DCTN5: variants seen among roughly 807,000 people sequenced by gnomAD.
DCTN5 encodes dynactin subunit 5.
Under a neutral mutation model 23.5 loss-of-function variants are expected in DCTN5, and 14 were observed. The observed-to-expected ratio is 0.60, with a 90% CI of 0.39 to 0.93. The LOEUF (loss-of-function observed/expected upper bound fraction) is 0.93. Ranked by LOEUF, DCTN5 falls within the 40% of genes least tolerant of loss-of-function variation. The pLI, the probability that DCTN5 is intolerant of heterozygous loss-of-function variation, is 0.00. For synonymous variants in DCTN5, 67 were observed against 79.6 expected (o/e 0.84, Z 0.84); for missense variants, 156 against 225.9 (o/e 0.69, Z 1.98).
chr16:23,666,911 C>T lies in DCTN5; in HGVS notation c.452-136C>T, dbSNP rs570516402. 6.9e-5 allele frequency: 97 copies of T among 1,404,024 alleles called. No homozygotes were observed. In the South Asian group the frequency reaches 1.2e-3, roughly 18 times the overall value. 87.0% of individuals were successfully genotyped at this position (1,404,024 alleles called of 1,614,324 possible). ...TTAGCTGTTCTTAGCAAGCACTGGA[C>T]CAGAACAGCCTCAGCGATTATTTAA... On this transcript the variant is annotated intron_variant, in intron 5 of 5. Transcript: ENST00000300087.
rs894175379 is a variant in DCTN5 at position 23,674,972 on chromosome 16, A to T, written c.*7828A>T. The T allele has an allele frequency of 6.6e-6, 1 of 151,794 alleles. No homozygotes were observed. Among genetic ancestry groups the T allele is most frequent in the African/African-American group, 2.4e-5 (1 of 41,286 alleles). 9.4% of individuals were successfully genotyped at this position (151,794 alleles called of 1,614,324 possible). A position where few individuals can be genotyped will look rare whatever the true frequency, so the allele number is the denominator to read the frequency against. On this transcript the variant is annotated 3_prime_UTR_variant, in exon 6 of 6. Coordinates refer to ENST00000300087, the MANE Select transcript of DCTN5 (RefSeq NM_032486.4). ...AATCTTCTCTTTTAATAAGGATACC[A>T]CTCAGGTTGGATTAGGGCCCATCCT... is the stretch of plus-strand genomic sequence containing the variant.
In DCTN5 at chr16:23,673,957, A is replaced by G. The variant is rs954486929; in HGVS notation, c.*6813A>G. On this transcript the variant is annotated 3_prime_UTR_variant, in exon 6 of 6. Transcript: ENST00000300087. ...ATATGCATTTTTTTTGAGTGGGTCA[A>G]TTGGACTCTAAGACCAACAAGATAA... is the stretch of plus-strand genomic sequence containing the variant. 5 of 152,212 alleles carry G rather than the reference A, an allele frequency of 3.3e-5. No individual in the cohort carries two copies. The highest frequency in any genetic ancestry group is 4.8e-5 in the African/African-American group (2 of 41,446). 9.4% of individuals were successfully genotyped at this position (152,212 alleles called of 1,614,324 possible).
intron 2 of DCTN5, among the ~76,000 whole-genome samples, chr16:23,655,811 C>T (rs1466230494): frequency 6.6e-6 from 1 of 152,174 alleles, no homozygotes; most frequent in African/African-American, 2.4e-5. Flanking sequence ...TCCCAAAGTA[C>T]TAGAATTACA....
In DCTN5 at chr16:23,671,769, C is replaced by T. The variant is rs369772213; in HGVS notation, c.*4625C>T. The T allele has an allele frequency of 6.6e-6, 1 of 152,278 alleles. No individual in the cohort carries two copies. Among genetic ancestry groups the T allele is most frequent in the African/African-American group, 2.4e-5 (1 of 41,454 alleles). The allele number at this position is 152,278 out of a possible 1,614,324, so 9.4% of individuals were successfully genotyped here. A position where few individuals can be genotyped will look rare whatever the true frequency, so the allele number is the denominator to read the frequency against. On this transcript the variant is annotated 3_prime_UTR_variant, in exon 6 of 6. Transcript: ENST00000300087. ...GAAGCTTTTGCTGGTGGGCCAGCCC[C>T]ACCTGCTTTCCTTGTGCACTCTGAC...
intron 2 of DCTN5, among the ~76,000 whole-genome samples, chr16:23,645,450 G>A (rs1967438444): frequency 6.6e-6 from 1 of 151,958 alleles, no homozygotes. Flanking sequence ...TGTACAATTA[G>A]TTGCATTAAT....
At position 23,667,426 on chromosome 16, in the gene DCTN5, C is replaced by T; in HGVS notation, c.*282C>T. 2.5e-6 allele frequency: 1 copy of T among 403,392 alleles called. No individual in the cohort carries two copies. The highest frequency in any genetic ancestry group is 4.6e-6 in the Non-Finnish European group (1 of 216,422). The allele number at this position is 403,392 out of a possible 1,614,324, so 25.0% of individuals were successfully genotyped here. ...CTGTGGAACACAGAATCATCTGTTC[C>T]CAACACTCCAGCCCCTTGGTCCTGT... is the stretch of plus-strand genomic sequence containing the variant. On this transcript the variant is annotated 3_prime_UTR_variant, in exon 6 of 6. Coordinates refer to ENST00000300087, the MANE Select transcript of DCTN5 (RefSeq NM_032486.4).
At chr16:23,665,434 A>C (rs1194390571) in intron 4 of DCTN5, among the ~76,000 whole-genome samples, 192 bp from the exon 5 acceptor site, 1 of 152,118 alleles carries the variant, frequency 6.6e-6, no homozygotes, top group Non-Finnish European at 1.5e-5. Flanking sequence ...TTCCCCCCGA[A>C]ATGTACACAA....
chr16:23,666,119 A>C (rs956952273), intron 5 of DCTN5: 15 of 173,146 alleles, frequency 8.7e-5, no homozygotes, highest in Non-Finnish European at 1.5e-4. Context: ...CCTCTCAAGG[A>C]AAAGTCGATG....
intron 4 of DCTN5, among the ~76,000 whole-genome samples, chr16:23,662,558 T>C (rs1967833512): frequency 6.6e-6 from 1 of 152,188 alleles, no homozygotes; most frequent in African/African-American, 2.4e-5. Context: ...TTAATGACCA[T>C]TCCCGTTAAT....
chr16:23,647,353 G>A (rs1188139485), intron 2 of DCTN5, among the ~76,000 whole-genome samples: 2 of 151,994 alleles, frequency 1.3e-5, no homozygotes, highest in African/African-American at 2.4e-5. Flanking sequence ...CAGGTGATCC[G>A]CCCGCCTTGG....
intron 2 of DCTN5, among the ~76,000 whole-genome samples, chr16:23,645,115 ATATATATATATATATATATATATTT>A (rs1967414500): frequency 2.8e-5 from 1 of 35,356 alleles, no homozygotes; most frequent in African/African-American, 1.2e-4. Context: ...ATATATATAT[ATATATATATATATATATATATATTT>A]TTTTTTTTTT....
chr16:23,647,285 A>G (rs1313745637), intron 2 of DCTN5, among the ~76,000 whole-genome samples: 1 of 151,570 alleles, frequency 6.6e-6, no homozygotes, highest in Non-Finnish European at 1.5e-5. Flanking sequence ...GGCATGCGCC[A>G]CCATGCTAGA....
chr16:23,671,552 CTG>C lies in DCTN5; in HGVS notation c.*4409_*4410del, dbSNP rs1408999491. 6.6e-6 allele frequency: 1 copy of C among 152,170 alleles called. No homozygotes were observed. Among genetic ancestry groups the C allele is most frequent in the Non-Finnish European group, 1.5e-5 (1 of 68,032 alleles). 9.4% of individuals were successfully genotyped at this position (152,170 alleles called of 1,614,324 possible). A position where few individuals can be genotyped will look rare whatever the true frequency, so the allele number is the denominator to read the frequency against. On this transcript the variant is annotated 3_prime_UTR_variant, in exon 6 of 6. Transcript: ENST00000300087. ...ACAGCCTGTTTTACAGCAGAGGAAA[CTG>C]ATATTCAGAGAGGTTAAGTAAATTT... is the stretch of plus-strand genomic sequence containing the variant.
At chr16:23,666,696 C>T (rs2140988746) in intron 5 of DCTN5, 1 of 390,756 alleles carries the variant, frequency 2.6e-6, no homozygotes, top group Non-Finnish European at 4.6e-6. Flanking sequence ...ATTGTTTTTC[C>T]AATTAAAAAA....
At chr16:23,666,414 C>G (rs186005974) in intron 5 of DCTN5, 1 of 153,298 alleles carries the variant, frequency 6.5e-6, no homozygotes, top group Non-Finnish European at 1.5e-5. Context: ...AAGTAAAGCC[C>G]ATCAGGAGCC....
chr16:23,666,852 A>G (rs911470892), intron 5 of DCTN5, 195 bp from the exon 6 acceptor site: 20 of 769,400 alleles, frequency 2.6e-5, no homozygotes, highest in Middle Eastern at 3.9e-4. Context: ...TTGTTTAGTA[A>G]TTTCTCCATA....
At position 23,672,893 on chromosome 16, in the gene DCTN5, C is replaced by G. The variant is rs758939592; in HGVS notation, c.*5749C>G. 6.6e-6 allele frequency: 1 copy of G among 152,152 alleles called. No individual in the cohort carries two copies. Among genetic ancestry groups the G allele is most frequent in the Non-Finnish European group, 1.5e-5 (1 of 68,046 alleles). The allele number at this position is 152,152 out of a possible 1,614,324, so 9.4% of individuals were successfully genotyped here. On this transcript the variant is annotated 3_prime_UTR_variant, in exon 6 of 6. Coordinates refer to ENST00000300087, the MANE Select transcript of DCTN5 (RefSeq NM_032486.4). ...CTGTAATCCCATCACTTCGGGAGGC[C>G]GAGGTGGGCAGATCACGAGGTCAGG...
At chr16:23,655,628 C>G (rs116851921) in intron 2 of DCTN5, among the ~76,000 whole-genome samples, 1 of 151,698 alleles carries the variant, frequency 6.6e-6, no homozygotes, top group African/African-American at 2.4e-5. Flanking sequence ...ACCGCAGCCT[C>G]GACCTCCACA....
intron 2 of DCTN5, among the ~76,000 whole-genome samples, chr16:23,653,941 C>CA (rs1255194684): frequency 6.6e-6 from 1 of 152,184 alleles, no homozygotes; most frequent in Non-Finnish European, 1.5e-5. Context: ...ACAAAAAGCT[C>CA]AACATCACTG....
Sources: gnomAD v4.1 joint callset for allele counts (sites outside exome capture counted in the v4.1 genomes callset) on GRCh38, gnomAD v4.1.1 for gene constraint, MANE v1.5 for transcripts, NCBI Gene and HGNC (gene_info 2026-07-23, HGNC 2026-07-21) for gene names.